VPS8: variants seen among roughly 807,000 people sequenced by gnomAD.
VPS8 encodes VPS8 subunit of CORVET complex.
A neutral mutation model predicts 216.4 loss-of-function variants in VPS8; 129 were observed. That is an observed-to-expected ratio of 0.60 (90% CI 0.52 to 0.69). VPS8 has a LOEUF of 0.69. VPS8 is among the 30% of genes least tolerant of loss of function. The probability of loss-of-function intolerance (pLI) is 0.00; values close to 1 mark genes in which losing one functional copy is unlikely to be tolerated. For missense variants in VPS8, 1,531 were observed against 1,683.5 expected (o/e 0.91, Z 1.59); for synonymous variants, 571 against 565.4 (o/e 1.01, Z -0.14).
chr3:184,981,588 C>G (rs1750223890), intron 40 of VPS8, among the ~76,000 whole-genome samples: 1 of 152,010 alleles, frequency 6.6e-6, no homozygotes, highest in Admixed American at 6.6e-5. Flanking sequence ...CACCTGCCAC[C>G]ACGCCTGGCT....
chr3:184,854,090 T>A (rs547123914), intron 12 of VPS8, 24 bp from the exon 13 acceptor site: 2 of 1,613,564 alleles, frequency 1.2e-6, no homozygotes, highest in East Asian at 4.5e-5. Context: ...AGGTCAATAT[T>A]GAAAACATAT....
In VPS8 at chr3:184,859,962, GGTT is replaced by G. The variant is rs747961277; in HGVS notation, c.1144-19_1144-17del. On this transcript the variant is annotated intron_variant, in intron 14 of 47. Transcript: ENST00000625842. ...TCCCTCAAACAGTAGCTGGTTTTTA[GGTT>G]GTTTTTATTTCATCATCAGGTAAAG... The G allele has an allele frequency of 8.8e-6, 14 of 1,593,224 alleles. No homozygotes were observed. The highest frequency in any genetic ancestry group is 1.2e-5 in the Non-Finnish European group (14 of 1,164,592).
At chr3:184,962,724 AGTGTGT>A (rs10562348) in intron 37 of VPS8, among the ~76,000 whole-genome samples, 9,351 of 145,774 alleles carry the variant, frequency 0.064, 606 homozygotes, top group East Asian at 0.17. Flanking sequence ...TTAAGGCTTA[AGTGTGT>A]GTGTGTGTGT....
chr3:184,837,280 C>G (rs1721278118), intron 5 of VPS8, among the ~76,000 whole-genome samples: 1 of 152,074 alleles, frequency 6.6e-6, no homozygotes, highest in South Asian at 2.1e-4. Context: ...GAATATAGAA[C>G]AGACCTTCGA....
chr3:184,914,945 C>T (rs761958414), intron 26 of VPS8, 36 bp from the exon 27 acceptor site: 1 of 1,594,264 alleles, frequency 6.3e-7, no homozygotes, highest in East Asian at 2.2e-5. Context: ...ATCCCCTTTA[C>T]AAGTCACCAT....
At chr3:184,912,138 G>GT (rs1485085860) in intron 25 of VPS8, among the ~76,000 whole-genome samples, 1 of 152,154 alleles carries the variant, frequency 6.6e-6, no homozygotes, top group African/African-American at 2.4e-5. Context: ...AAGTATAAAA[G>GT]TTAAGCCCCT....
At chr3:184,887,383 G>A (rs1295386891) in intron 22 of VPS8, among the ~76,000 whole-genome samples, 1 of 151,448 alleles carries the variant, frequency 6.6e-6, no homozygotes, top group East Asian at 1.9e-4. Flanking sequence ...CAACCAACCT[G>A]TGCTAATGCA....
chr3:185,043,126 C>T (rs1054027677), intron 46 of VPS8, among the ~76,000 whole-genome samples: 3 of 152,214 alleles, frequency 2.0e-5, no homozygotes, highest in African/African-American at 4.8e-5. Flanking sequence ...AGGGTGTCCG[C>T]GAGCAGCCCA....
intron 40 of VPS8, among the ~76,000 whole-genome samples, chr3:184,982,180 T>C (rs2109751443): frequency 6.6e-6 from 1 of 152,312 alleles, no homozygotes; most frequent in African/African-American, 2.4e-5. Context: ...AATAGTGTTA[T>C]TTTAAACTTT....
intron 30 of VPS8, among the ~76,000 whole-genome samples, chr3:184,926,362 G>A (rs1392508417): frequency 6.9e-6 from 1 of 144,386 alleles, no homozygotes; most frequent in Non-Finnish European, 1.5e-5. Flanking sequence ...GGGCGACAGA[G>A]TGAGACTCTG....
intron 14 of VPS8, among the ~76,000 whole-genome samples, chr3:184,858,713 A>C (rs1725739979): frequency 6.6e-6 from 1 of 152,200 alleles, no homozygotes; most frequent in South Asian, 2.1e-4. Flanking sequence ...CACACTCATA[A>C]TAAGCAGATA....
At chr3:184,926,270 G>C (rs1001537640) in intron 30 of VPS8, among the ~76,000 whole-genome samples, 1 of 151,638 alleles carries the variant, frequency 6.6e-6, no homozygotes. Context: ...CCAGCTACTC[G>C]GGAGGCTGAG....
At chr3:185,043,270 T>C (rs1712092524) in intron 46 of VPS8, among the ~76,000 whole-genome samples, 1 of 152,240 alleles carries the variant, frequency 6.6e-6, no homozygotes, top group South Asian at 2.1e-4. Context: ...TTCAGTTTCC[T>C]CACAGGTAAA....
intron 40 of VPS8, among the ~76,000 whole-genome samples, chr3:184,981,156 C>A (rs144934605): frequency 0.021 from 3,257 of 152,162 alleles, 40 homozygotes; most frequent in Non-Finnish European, 0.036. Flanking sequence ...GTGCTCTGGC[C>A]CCTCAGGCTT....
chr3:185,032,790 C>T (rs1032113652), intron 46 of VPS8, among the ~76,000 whole-genome samples: 3 of 152,066 alleles, frequency 2.0e-5, no homozygotes, highest in Non-Finnish European at 2.9e-5. Context: ...CTCAGCCTCC[C>T]GAGTAGTTGG....
intron 36 of VPS8, among the ~76,000 whole-genome samples, chr3:184,955,489 C>T (rs1455778664): frequency 6.6e-6 from 1 of 152,046 alleles, no homozygotes; most frequent in Non-Finnish European, 1.5e-5. Flanking sequence ...CCTCCTTACC[C>T]TGCGCCCCCT....
intron 35 of VPS8, among the ~76,000 whole-genome samples, chr3:184,938,649 C>CTTTTTTTTTTTT (rs113635324): frequency 7.1e-6 from 1 of 140,726 alleles, no homozygotes; most frequent in African/African-American, 2.6e-5. Flanking sequence ...TTCTTTTTTT[C>CTTTTTTTTTTTT]TTTTTTTTTT....
intron 14 of VPS8, 55 bp downstream of exon 14, chr3:184,855,873 C>A: frequency 7.3e-7 from 1 of 1,368,230 alleles, no homozygotes; most frequent in Non-Finnish European, 1.0e-6. Flanking sequence ...TATTCATCAG[C>A]AATTAATAAT....
chr3:184,963,461 T>C lies in VPS8; in HGVS notation c.3184-1007T>C, dbSNP rs144254581. On this transcript the variant is annotated intron_variant, in intron 37 of 47. Transcript: ENST00000625842. ...TACAAGGAGATTTCTCAAGATGACC[T>C]TTCTATATTGATTGCTGCTGCTGTT... is the stretch of plus-strand genomic sequence containing the variant. Among the ~76,000 whole-genome samples the C allele has an allele frequency of 8.5e-5, 13 of 152,270 alleles. No homozygotes were observed. In the East Asian group the frequency reaches 2.3e-3, roughly 27 times the overall value.
Sources: gnomAD v4.1 joint callset for allele counts (sites outside exome capture counted in the v4.1 genomes callset) on GRCh38, gnomAD v4.1.1 for gene constraint, MANE v1.5 for transcripts, NCBI Gene and HGNC (gene_info 2026-07-23, HGNC 2026-07-21) for gene names.